MAGI2: variants seen among roughly 807,000 people sequenced by gnomAD.
MAGI2 encodes membrane-associated guanylate kinase, WW and PDZ domain-containing protein 2.
In MAGI2, 35 loss-of-function variants were observed where a neutral mutation model predicts 133.3. The observed-to-expected ratio is 0.26, with a 90% confidence interval of 0.20 to 0.35. The LOEUF is 0.35. MAGI2 is among the 10% of genes least tolerant of loss of function. The probability of loss-of-function intolerance (pLI) is 1.00; values close to 1 mark genes in which losing one functional copy is unlikely to be tolerated. For synonymous variants in MAGI2, 729 were observed against 710.6 expected (o/e 1.03, Z -0.41); for missense variants, 1,636 against 1,863.4 (o/e 0.88, Z 2.25).
At chr7:78,354,227 C>T (rs1468569773) in intron 7 of MAGI2, among the ~76,000 whole-genome samples, 2 of 152,164 alleles carry the variant, frequency 1.3e-5, no homozygotes, top group African/African-American at 4.8e-5. Flanking sequence ...AATAGTCTGA[C>T]TTGTAACATA....
intron 9 of MAGI2, among the ~76,000 whole-genome samples, chr7:78,300,133 AT>A (rs1797706171): frequency 6.6e-6 from 1 of 152,206 alleles, no homozygotes; most frequent in Non-Finnish European, 1.5e-5. Context: ...ACATTTTTAT[AT>A]TATAGTTCTT....
chr7:78,487,037 CA>C (rs1793096048), intron 6 of MAGI2: 17 of 502,752 alleles, frequency 3.4e-5, no homozygotes, highest in South Asian at 2.5e-4. Context: ...AACGAAGGAC[CA>C]ATACACTGAG....
chr7:79,001,853 C>G (rs933186876), intron 2 of MAGI2, among the ~76,000 whole-genome samples: 2 of 152,164 alleles, frequency 1.3e-5, no homozygotes, highest in African/African-American at 4.8e-5. Context: ...TTAATCATCT[C>G]TAAATAAATG....
At chr7:79,308,077 T>G (rs944288249) in intron 1 of MAGI2, among the ~76,000 whole-genome samples, 6 of 152,110 alleles carry the variant, frequency 3.9e-5, no homozygotes, top group Non-Finnish European at 7.4e-5. Flanking sequence ...TAAAAGAAAA[T>G]GGATACACTT....
chr7:78,506,676 C>A (rs1447767700), intron 4 of MAGI2, among the ~76,000 whole-genome samples: 1 of 152,198 alleles, frequency 6.6e-6, no homozygotes, highest in Admixed American at 6.5e-5. Flanking sequence ...TCCAGCAAGA[C>A]AAGGACATAA....
chr7:79,344,100 AC>A (rs1413085140), intron 1 of MAGI2, among the ~76,000 whole-genome samples: 3 of 152,026 alleles, frequency 2.0e-5, no homozygotes, highest in Non-Finnish European at 4.4e-5. Flanking sequence ...AAATCCCCTG[AC>A]CCCCAACTAT....
At chr7:78,193,568 T>G (rs1342583793) in intron 12 of MAGI2, among the ~76,000 whole-genome samples, 2 of 152,214 alleles carry the variant, frequency 1.3e-5, no homozygotes, top group South Asian at 2.1e-4. Flanking sequence ...TTTCAATTTT[T>G]TTTCAGTTTA....
At chr7:78,477,405 T>C (rs995405036) in intron 6 of MAGI2, among the ~76,000 whole-genome samples, 2 of 151,960 alleles carry the variant, frequency 1.3e-5, no homozygotes, top group Admixed American at 6.6e-5. Flanking sequence ...ATTTACCCTG[T>C]AAGTTTAAGA....
chr7:78,837,486 C>T (rs183786260), intron 2 of MAGI2, among the ~76,000 whole-genome samples: 6 of 152,090 alleles, frequency 3.9e-5, no homozygotes, highest in East Asian at 1.9e-4. Context: ...AATAGTTGGT[C>T]ATTTTGGTGA....
At chr7:78,150,296 A>G (rs1221571360) in intron 16 of MAGI2, among the ~76,000 whole-genome samples, 1 of 152,158 alleles carries the variant, frequency 6.6e-6, no homozygotes, top group Non-Finnish European at 1.5e-5. Flanking sequence ...TGTTCACTTA[A>G]CAATTTGCTC....
intron 2 of MAGI2, among the ~76,000 whole-genome samples, chr7:78,715,606 A>C (rs1819622089): frequency 6.6e-6 from 1 of 152,330 alleles, no homozygotes; most frequent in South Asian, 2.1e-4. Context: ...TAGCCTAATG[A>C]CACAAATATA....
At chr7:78,906,690 G>A (rs1189931531) in intron 2 of MAGI2, among the ~76,000 whole-genome samples, 1 of 150,178 alleles carries the variant, frequency 6.7e-6, no homozygotes, top group Non-Finnish European at 1.5e-5. Context: ...CTGAGTTGTA[G>A]CCAAGCAGGT....
At chr7:78,795,695 G>T (rs1016147633) in intron 2 of MAGI2, among the ~76,000 whole-genome samples, 1 of 151,928 alleles carries the variant, frequency 6.6e-6, no homozygotes, top group African/African-American at 2.4e-5. Flanking sequence ...AATAGGCAAA[G>T]GAATTCTGAG....
At chr7:79,265,663 T>C (rs895831951) in intron 1 of MAGI2, among the ~76,000 whole-genome samples, 2 of 152,170 alleles carry the variant, frequency 1.3e-5, no homozygotes, top group Non-Finnish European at 2.9e-5. Flanking sequence ...CTATATTGCA[T>C]GCTACAAGTA....
chr7:79,212,353 A>C (rs1167106730), intron 1 of MAGI2, among the ~76,000 whole-genome samples: 1 of 152,070 alleles, frequency 6.6e-6, no homozygotes. Flanking sequence ...GATTTCAGGT[A>C]ACATTCTTAA....
At chr7:78,963,361 C>T (rs546807836) in intron 2 of MAGI2, among the ~76,000 whole-genome samples, 1 of 152,142 alleles carries the variant, frequency 6.6e-6, no homozygotes, top group East Asian at 1.9e-4. Context: ...TCTGATATTT[C>T]AATTGGAGTA....
intron 3 of MAGI2, among the ~76,000 whole-genome samples, chr7:78,603,827 T>G (rs1173469906): frequency 6.6e-6 from 1 of 152,186 alleles, no homozygotes; most frequent in Non-Finnish European, 1.5e-5. Context: ...AGCCAATATT[T>G]CTATTTTCTT....
chr7:78,755,126 G>A (rs538041911), intron 2 of MAGI2, among the ~76,000 whole-genome samples: 1 of 152,292 alleles, frequency 6.6e-6, no homozygotes, highest in African/African-American at 2.4e-5. Context: ...TTTGAAGATG[G>A]GAAGTTTAAA....
At chr7:79,330,003 A>G (rs1478045659) in intron 1 of MAGI2, among the ~76,000 whole-genome samples, 1 of 152,078 alleles carries the variant, frequency 6.6e-6, no homozygotes, top group East Asian at 1.9e-4. Context: ...AAAATATCCA[A>G]AACTAATAAA....
Sources: gnomAD v4.1 joint callset for allele counts (sites outside exome capture counted in the v4.1 genomes callset) on GRCh38, gnomAD v4.1.1 for gene constraint, MANE v1.5 for transcripts, NCBI Gene and HGNC (gene_info 2026-07-23, HGNC 2026-07-21) for gene names.